The following MROH9 variants were observed in gnomAD, a reference collection of about 807,000 sequenced individuals.
MROH9 encodes maestro heat-like repeat-containing protein family member 9.
In MROH9, 92 loss-of-function variants were observed where a neutral mutation model predicts 98.2. That is an observed-to-expected ratio of 0.94 (90% confidence interval 0.79 to 1.11). The LOEUF is 1.11. Among genes scored for constraint, MROH9 ranks in the 50% most tolerant of loss-of-function variants. The pLI is 0.00. For synonymous variants in MROH9, 397 were observed against 368.9 expected (o/e 1.08, Z -0.87); for missense variants, 1,057 against 1,014.8 (o/e 1.04, Z -0.57).
chr1:171,049,129 C>T (rs1195471631), intron 20 of MROH9, among the ~76,000 whole-genome samples: 7 of 151,954 alleles, frequency 4.6e-5, no homozygotes, highest in Non-Finnish European at 8.8e-5. Flanking sequence ...AGGACTGATG[C>T]CAGCACTGCC....
rs151291051 is a variant in MROH9, at chr1:170,998,254, G to A, written c.1576G>A (p.Val526Ile). Residue 526 changes from valine (V) to isoleucine (I), a missense_variant, in exon 15 of 22, where the codon GTA (valine) becomes ATA (isoleucine). Coordinates refer to ENST00000367759, the MANE Select transcript of MROH9 (RefSeq NM_001163629.2). ...GPRRSEDTVIVLIFLTELLNN... is the reference protein window; with the variant it reads ...GPRRSEDTVIILIFLTELLNN... ...TAGAAGGTCAGAAGACACTGTCATC[G>A]TATTAATATTCCTCACTGAAGTGAG... The A allele has an allele frequency of 8.2e-3, 13,186 of 1,613,396 alleles. 125 individuals carry two copies. Among genetic ancestry groups the A allele is most frequent in the South Asian group, 0.03 (2,769 of 91,052 alleles).
intron 9 of MROH9, among the ~76,000 whole-genome samples, chr1:170,985,014 G>GA (rs1335313243): frequency 6.6e-6 from 1 of 152,114 alleles, no homozygotes; most frequent in Admixed American, 6.5e-5. Context: ...GGGCTGGATT[G>GA]AAAAACAAAA....
At chr1:171,023,950 T>A (rs543797159) in intron 17 of MROH9, among the ~76,000 whole-genome samples, 4 of 152,284 alleles carry the variant, frequency 2.6e-5, no homozygotes, top group East Asian at 1.9e-4. Context: ...CCCACTCTCC[T>A]CTTCTATGAG....
At chr1:171,008,899 G>A (rs1205363460) in intron 15 of MROH9, among the ~76,000 whole-genome samples, 1 of 152,030 alleles carries the variant, frequency 6.6e-6, no homozygotes, top group African/African-American at 2.4e-5. Flanking sequence ...AAAAAGACAT[G>A]TATTATGTAC....
intron 15 of MROH9, among the ~76,000 whole-genome samples, chr1:171,009,461 G>A (rs1236790891): frequency 3.9e-5 from 6 of 152,134 alleles, no homozygotes; most frequent in African/African-American, 1.4e-4. Context: ...ACTAAGGTAT[G>A]TATTATTTAT....
chr1:170,944,120 G>A (rs1649230026), intron 1 of MROH9, among the ~76,000 whole-genome samples: 1 of 151,846 alleles, frequency 6.6e-6, no homozygotes, highest in Non-Finnish European at 1.5e-5. Flanking sequence ...AATGCATAAA[G>A]GTTTCACTAA....
At chr1:171,049,508 A>G (rs1020930106) in intron 20 of MROH9, among the ~76,000 whole-genome samples, 8 of 151,708 alleles carry the variant, frequency 5.3e-5, no homozygotes, top group Non-Finnish European at 1.0e-4. Context: ...ATTTAAACCA[A>G]CCCTAGTCAG....
At chr1:171,042,544 GT>G (rs1433903760) in intron 20 of MROH9, among the ~76,000 whole-genome samples, 2 of 152,064 alleles carry the variant, frequency 1.3e-5, no homozygotes, top group Non-Finnish European at 2.9e-5. Context: ...TCAATTTTTA[GT>G]TTTTTGAGGA....
At chr1:171,051,698 T>C (rs1267504402) in intron 20 of MROH9, among the ~76,000 whole-genome samples, 1 of 152,206 alleles carries the variant, frequency 6.6e-6, no homozygotes, top group African/African-American at 2.4e-5. Context: ...CACATTTACC[T>C]AATGTAACAA....
At chr1:170,998,109 G>T (rs1651648324) in intron 14 of MROH9, 45 bp from the exon 15 acceptor site, 1 of 1,395,628 alleles carries the variant, frequency 7.2e-7, no homozygotes, top group East Asian at 2.3e-5. Flanking sequence ...CTATTAGCAT[G>T]GTGTTTTCTC....
intron 15 of MROH9, among the ~76,000 whole-genome samples, chr1:171,012,080 T>C: frequency 6.6e-6 from 1 of 152,162 alleles, no homozygotes; most frequent in Non-Finnish European, 1.5e-5. Context: ...AATATCTATG[T>C]TATATATAAT....
intron 15 of MROH9, among the ~76,000 whole-genome samples, chr1:171,010,080 T>G (rs1385450450): frequency 1.3e-5 from 2 of 152,204 alleles, no homozygotes; most frequent in Non-Finnish European, 2.9e-5. Flanking sequence ...GTATTTCTCC[T>G]AATGTTATCC....
chr1:171,022,866 G>C (rs1652564482), intron 17 of MROH9, among the ~76,000 whole-genome samples: 1 of 152,120 alleles, frequency 6.6e-6, no homozygotes, highest in African/African-American at 2.4e-5. Context: ...CTAAGCAACT[G>C]TATTACTATT....
intron 13 of MROH9, among the ~76,000 whole-genome samples, chr1:170,995,742 T>C (rs1571487774): frequency 6.6e-6 from 1 of 152,076 alleles, no homozygotes; most frequent in Admixed American, 6.6e-5. Context: ...TGAGCATGTG[T>C]AGTATATAAA....
At chr1:170,973,010 T>C (rs570429507) in intron 8 of MROH9, among the ~76,000 whole-genome samples, 1 of 151,654 alleles carries the variant, frequency 6.6e-6, no homozygotes, top group Admixed American at 6.6e-5. Context: ...GATAAGCCAG[T>C]GGTCTCATCA....
At chr1:171,016,473 T>A (rs114463134) in intron 17 of MROH9, 137 bp downstream of exon 17, 7,072 of 631,970 alleles carry the variant, frequency 0.011, 87 homozygotes, top group Non-Finnish European at 0.013. Flanking sequence ...GATAAAAATA[T>A]TAGGTAAGTA....
At chr1:170,992,425 C>G in intron 12 of MROH9, 96 bp downstream of exon 12, 5 of 1,268,890 alleles carry the variant, frequency 3.9e-6, no homozygotes, top group Non-Finnish European at 5.5e-6. Context: ...TTTCTTAACA[C>G]AGTCCTCTTC....
chr1:170,991,309 G>C (rs1395658535), intron 11 of MROH9, among the ~76,000 whole-genome samples: 1 of 152,064 alleles, frequency 6.6e-6, no homozygotes, highest in Non-Finnish European at 1.5e-5. Flanking sequence ...TGAACAAGTG[G>C]TAAGACAAGG....
chr1:171,021,701 T>G (rs1652524206), intron 17 of MROH9, among the ~76,000 whole-genome samples: 2 of 152,056 alleles, frequency 1.3e-5, no homozygotes, highest in African/African-American at 4.8e-5. Context: ...GGGCAAAGAC[T>G]TCATTACAAA....
Sources: allele counts gnomAD v4.1 joint callset (sites outside exome capture counted in the v4.1 genomes callset), GRCh38; gene constraint gnomAD v4.1.1; transcripts MANE v1.5; gene names NCBI Gene and HGNC (gene_info 2026-07-23, HGNC 2026-07-21).